The following SLC7A5 variants were observed in gnomAD, a reference collection of about 807,000 sequenced individuals.
SLC7A5 encodes the protein solute carrier family 7 member 5.
In SLC7A5, 23 loss-of-function variants were observed where a neutral mutation model predicts 50.2. The ratio of observed to expected loss-of-function variants is 0.46; its 90% CI spans 0.33 to 0.65. SLC7A5 has a LOEUF of 0.65. SLC7A5 is among the 30% of genes least tolerant of loss of function. SLC7A5 has a pLI of 0.02. For missense variants in SLC7A5, 578 were observed against 684.4 expected (o/e 0.84, Z 1.73); for synonymous variants, 393 against 330.6 (o/e 1.19, Z -2.05).
intron 2 of SLC7A5, among the ~76,000 whole-genome samples, chr16:87,845,521 G>GCAGAGTCCATGCCCACCCCA (rs1555514223): frequency 4.1e-5 from 6 of 145,652 alleles, no homozygotes; most frequent in African/African-American, 1.3e-4. Flanking sequence ...CCCACTCCAG[G>GCAGAGTCCATGCCCACCCCA]CAGAGTCCAC....
intron 2 of SLC7A5, 36 bp downstream of exon 2, chr16:87,851,688 G>C (rs199601483): frequency 3.1e-6 from 5 of 1,602,886 alleles, no homozygotes; most frequent in South Asian, 1.1e-5. Context: ...GCAAAGCCTC[G>C]AGGGGCCGCC....
In SLC7A5 at chr16:87,869,460, C is replaced by A. The variant is rs558754767; in HGVS notation, c.-38G>T. 1.9e-4 allele frequency: 260 copies of A among 1,335,402 alleles called. 5 individuals are homozygous for A. In the South Asian group the frequency reaches 4.6e-3, roughly 24 times the overall value. 82.7% of individuals were successfully genotyped at this position (1,335,402 alleles called of 1,614,324 possible). ...GGCCGGGCCTGGGACACCCGGGAGC[C>A]GCGGCCCAGCGAGCAGTGTGCGCGC... On this transcript the variant is annotated 5_prime_UTR_variant, in exon 1 of 10. Coordinates refer to ENST00000261622, the MANE Select transcript of SLC7A5 (RefSeq NM_003486.7).
chr16:87,840,239 G>A (rs966778988), intron 4 of SLC7A5, among the ~76,000 whole-genome samples, 190 bp downstream of exon 4: 1 of 152,220 alleles, frequency 6.6e-6, no homozygotes, highest in Non-Finnish European at 1.5e-5. Flanking sequence ...CCCGTTCTCT[G>A]GAGAAACCGT....
At chr16:87,839,946 G>A (rs1445126501) in intron 4 of SLC7A5, 121 bp from the exon 5 acceptor site, 14 of 1,344,278 alleles carry the variant, frequency 1.0e-5, no homozygotes, top group East Asian at 2.5e-5. Flanking sequence ...TGGGCTTCTC[G>A]GGGAAGGTGG....
At chr16:87,868,129 AAAAAG>A (rs2055486554) in intron 1 of SLC7A5, among the ~76,000 whole-genome samples, 1 of 144,230 alleles carries the variant, frequency 6.9e-6, no homozygotes, top group African/African-American at 2.7e-5. Flanking sequence ...AAAAAAAAAA[AAAAAG>A]AAAGAAAAAG....
At chr16:87,842,985 AGCATC>A (rs1235963801) in intron 2 of SLC7A5, among the ~76,000 whole-genome samples, 2 of 151,886 alleles carry the variant, frequency 1.3e-5, no homozygotes, top group Non-Finnish European at 1.5e-5. Context: ...TGCTGGGGGG[AGCATC>A]TGTCCTACAA....
chr16:87,839,753 G>C lies in SLC7A5; in HGVS notation c.888C>G (p.Tyr296Ter). ...TCTGCTCGGTGGACAGGGTGGTGAA[G>C]TAGGCCAGGTTGGTCAGCACGTACA... is the stretch of plus-strand genomic sequence containing the variant. The part of the protein sequence containing the change: ...TLVYVLTNLA[Y>*]FTTLSTEQML... The change falls in exon 5 of 10, where the codon TAC becomes TAG. Residue 296 changes from tyrosine to a stop codon, truncating the protein, a stop_gained. Transcript: ENST00000261622. LOFTEE classifies it high-confidence loss of function. 7 of 1,613,926 alleles carry C rather than the reference G, an allele frequency of 4.3e-6. No individual in the cohort carries two copies. The highest frequency in any genetic ancestry group is 5.9e-6 in the Non-Finnish European group (7 of 1,179,996).
chr16:87,866,515 G>C (rs2055463021), intron 1 of SLC7A5, among the ~76,000 whole-genome samples: 1 of 152,096 alleles, frequency 6.6e-6, no homozygotes, highest in Non-Finnish European at 1.5e-5. Flanking sequence ...GCCCAGGCTG[G>C]AGTGCAGTGG....
intron 8 of SLC7A5, among the ~76,000 whole-genome samples, chr16:87,835,122 G>C (rs779960208): frequency 4.6e-5 from 7 of 152,274 alleles, no homozygotes; most frequent in Admixed American, 2.6e-4. Flanking sequence ...CGCAACCTGC[G>C]GCTCGGCATG....
At chr16:87,859,858 T>C (rs1221544609) in intron 1 of SLC7A5, among the ~76,000 whole-genome samples, 2 of 151,978 alleles carry the variant, frequency 1.3e-5, no homozygotes, top group Non-Finnish European at 2.9e-5. Context: ...GGAGAATCGC[T>C]TGAACCGGGT....
Position 87,852,767 on chromosome 16 carries a change from T to C in SLC7A5, c.539-918A>G, listed in dbSNP as rs146153831. On this transcript the variant is annotated intron_variant, in intron 1 of 9. Transcript: ENST00000261622. This position sits in a 1 kb window ranked among gnomAD's most constrained non-coding sequence, Gnocchi z 4.5. ...TGTGTGTGTGTTTTGGGGGGTTCTG[T>C]TGCAATATGTGCGCACGCTGAGCCA... Among the ~76,000 whole-genome samples the C allele has an allele frequency of 1.8e-4, 27 of 151,622 alleles. No homozygotes were observed. Among genetic ancestry groups the C allele is most frequent in the Middle Eastern group, 3.4e-3 (1 of 294 alleles).
intron 8 of SLC7A5, among the ~76,000 whole-genome samples, chr16:87,835,118 C>T (rs928570818): frequency 6.6e-6 from 1 of 152,284 alleles, no homozygotes; most frequent in African/African-American, 2.4e-5. Context: ...AGGCCGCAAC[C>T]TGCGGCTCGG....
Position 87,853,897 on chromosome 16 carries a change from TCGCGGCTGTCACGTC to T in SLC7A5, c.539-2063_539-2049del, listed in dbSNP as rs1348829744. 1 of 150,584 alleles carries T rather than the reference TCGCGGCTGTCACGTC, an allele frequency of 6.6e-6. No individual in the cohort carries two copies. The highest frequency in any genetic ancestry group is 1.5e-5 in the Non-Finnish European group (1 of 67,688). The allele number at this position is 150,584 out of a possible 1,614,324, so 9.3% of individuals were successfully genotyped here. ...GCTGCGGAGACACTGAGCACTGCCCTCGCGGCTGTCACGTCTGCGGCTGTCACGTCTGCTAGGGGG... is the reference window on the plus strand; with the variant it reads ...GCTGCGGAGACACTGAGCACTGCCCTTGCGGCTGTCACGTCTGCTAGGGGG... On this transcript the variant is annotated intron_variant, in intron 1 of 9. Transcript: ENST00000261622. This position sits in a 1 kb window ranked among gnomAD's most constrained non-coding sequence, Gnocchi z 4.4.
At chr16:87,850,490 T>G (rs2055207460) in intron 2 of SLC7A5, among the ~76,000 whole-genome samples, 1 of 152,228 alleles carries the variant, frequency 6.6e-6, no homozygotes, top group African/African-American at 2.4e-5. Flanking sequence ...CATCGGTGAC[T>G]GCGAGTCACC....
chr16:87,845,684 C>G (rs1246798052), intron 2 of SLC7A5, among the ~76,000 whole-genome samples: 3 of 152,238 alleles, frequency 2.0e-5, no homozygotes, highest in Non-Finnish European at 4.4e-5. Flanking sequence ...TTTGGACCAC[C>G]AGCAGTGTCT....
chr16:87,857,247 A>G (rs1049759973), intron 1 of SLC7A5, among the ~76,000 whole-genome samples: 2 of 151,768 alleles, frequency 1.3e-5, no homozygotes, highest in African/African-American at 4.8e-5. Flanking sequence ...TTTGAGACGA[A>G]GTCTCGCTCT....
intron 7 of SLC7A5, among the ~76,000 whole-genome samples, chr16:87,837,236 G>C (rs2055018698): frequency 6.6e-6 from 1 of 152,196 alleles, no homozygotes; most frequent in Admixed American, 6.5e-5. Flanking sequence ...GCAGCCTGTT[G>C]GGGGAGCCCA....
chr16:87,848,433 G>A (rs976432314), intron 2 of SLC7A5, among the ~76,000 whole-genome samples: 1 of 152,246 alleles, frequency 6.6e-6, no homozygotes. Flanking sequence ...TTAGGCAACA[G>A]CCTGCGAGTG....
intron 1 of SLC7A5, among the ~76,000 whole-genome samples, chr16:87,854,543 C>G (rs2143799461): frequency 6.6e-6 from 1 of 152,354 alleles, no homozygotes; most frequent in African/African-American, 2.4e-5. Context: ...GTGTCCACAC[C>G]ATGGAGGGGC....
Sources: gnomAD v4.1 joint callset for allele counts (sites outside exome capture counted in the v4.1 genomes callset) on GRCh38, gnomAD v4.1.1 for gene constraint, Gnocchi (gnomAD v3.1) non-coding constraint, MANE v1.5 for transcripts, NCBI Gene and HGNC (gene_info 2026-07-23, HGNC 2026-07-21) for gene names.